The following ANK2 variants were observed in gnomAD, a reference collection of about 807,000 sequenced individuals.
The protein encoded by ANK2 is ankyrin-2.
Under a neutral mutation model 360.5 loss-of-function variants are expected in ANK2, and 83 were observed. That is an observed-to-expected ratio of 0.23 (90% CI 0.19 to 0.28). The LOEUF (loss-of-function observed/expected upper bound fraction) is 0.28. ANK2 is among the 10% of genes least tolerant of loss of function. The pLI, the probability that ANK2 is intolerant of heterozygous loss-of-function variation, is 1.00. For missense variants in ANK2, 4,201 were observed against 4,795.7 expected (o/e 0.88, Z 3.66); for synonymous variants, 1,740 against 1,759.5 (o/e 0.99, Z 0.28).
At chr4:113,232,117 T>C in intron 4 of ANK2, 44 bp from the exon 5 acceptor site, 1 of 1,384,670 alleles carries the variant, frequency 7.2e-7, no homozygotes, top group Non-Finnish European at 1.0e-6. Flanking sequence ...TGTTCTCTCT[T>C]ATACAAATGA....
At chr4:113,156,371 CT>C (rs150536846) in intron 1 of ANK2, among the ~76,000 whole-genome samples, 5 of 128,448 alleles carry the variant, frequency 3.9e-5, no homozygotes, top group Non-Finnish European at 3.3e-5. Flanking sequence ...TAGAAAAATT[CT>C]TTTTTTTTTG....
In ANK2 at chr4:113,233,104, CTGTTTTTTTTTTTTTTTTTTT is replaced by C. The variant is rs1563056748; in HGVS notation, c.483+847_483+867del. ...ACCAGAGTATATGGGCTTGGCTTTTCTGTTTTTTTTTTTTTTTTTTTTTTTTTTTTTTTTTTTTTTTTTTTT... is the reference window on the plus strand; with the variant it reads ...ACCAGAGTATATGGGCTTGGCTTTTCTTTTTTTTTTTTTTTTTTTTTTTTT... On this transcript the variant is annotated intron_variant, in intron 5 of 45. Transcript: ENST00000357077. Among the ~76,000 whole-genome samples, 12 of 29,304 alleles carry C rather than the reference CTGTTTTTTTTTTTTTTTTTTT, an allele frequency of 4.1e-4. 1 individual carries two copies. The highest frequency in any genetic ancestry group is 1.5e-3 in the Admixed American group (4 of 2,674). The allele number at this position is 29,304 out of a possible 152,430, so 19.2% of individuals were successfully genotyped here.
At chr4:112,849,702 C>T (rs953452385) in intron 1 of ANK2, among the ~76,000 whole-genome samples, 18 of 152,338 alleles carry the variant, frequency 1.2e-4, no homozygotes, top group Admixed American at 3.3e-4. Context: ...TTTCCAGCTT[C>T]ATCTTTTGTT....
At chr4:113,182,832 A>C (rs898080374) in intron 2 of ANK2, among the ~76,000 whole-genome samples, 2 of 152,244 alleles carry the variant, frequency 1.3e-5, no homozygotes, top group Non-Finnish European at 2.9e-5. Flanking sequence ...CTATAAAAGA[A>C]AGAAGAGAAT....
At chr4:113,334,234 G>A (rs1383469487) in intron 29 of ANK2, among the ~76,000 whole-genome samples, 1 of 152,168 alleles carries the variant, frequency 6.6e-6, no homozygotes, top group Non-Finnish European at 1.5e-5. Flanking sequence ...TATCCAAGGG[G>A]TGGATGGAGG....
Position 113,355,553 on chromosome 4 carries a change from C to T in ANK2, c.6935C>T (p.Thr2312Ile). ...TSTESFQKEATLGSPKDTSPK... is the reference protein window; with the variant it reads ...TSTESFQKEAILGSPKDTSPK... ...ACTGAGAGTTTTCAGAAAGAGGCCA[C>T]TCTAGGCTCTCCCAAAGACACAAGC... Residue 2312 changes from threonine to isoleucine, a missense_variant, in exon 38 of 46, where the codon ACT becomes ATT. Coordinates refer to ENST00000357077, the MANE Select transcript of ANK2 (RefSeq NM_001148.6). The T allele has an allele frequency of 6.2e-7, 1 of 1,614,070 alleles. No individual in the cohort carries two copies. Among genetic ancestry groups the T allele is most frequent in the Admixed American group, 1.7e-5 (1 of 60,016 alleles).
chr4:112,947,369 TA>T (rs1289729133), intron 2 of ANK2, among the ~76,000 whole-genome samples: 1 of 152,186 alleles, frequency 6.6e-6, no homozygotes, highest in Non-Finnish European at 1.5e-5. Flanking sequence ...ATTATTTACC[TA>T]TATTTCCATA....
At chr4:113,118,152 G>T (rs779298167) in intron 1 of ANK2, among the ~76,000 whole-genome samples, 38 of 152,036 alleles carry the variant, frequency 2.5e-4, no homozygotes, top group South Asian at 4.1e-4. Context: ...CTTTATAATA[G>T]AAATAATCTT....
At chr4:112,811,524 A>C in the ANK2 span, among the ~76,000 whole-genome samples, 1 of 152,188 alleles carries the variant, frequency 6.6e-6, no homozygotes, top group Non-Finnish European at 1.5e-5. Flanking sequence ...TGGGGAAATT[A>C]CTAGATCTCT....
In ANK2 at chr4:113,335,966, AAGG is replaced by A; in HGVS notation, c.3504_3506del (p.Gly1169del). 1 of 1,614,146 alleles carries A rather than the reference AAGG, an allele frequency of 6.2e-7. No individual in the cohort carries two copies. On this transcript the variant is annotated inframe_deletion, in exon 30 of 46. Transcript: ENST00000357077. ...CAGGACAGCAATCTGATTGGCCCAGAAGGAGGTGTACTGAGCAGCACAGTGGTG... is the reference window on the plus strand; with the variant it reads ...CAGGACAGCAATCTGATTGGCCCAGAAGGTGTACTGAGCAGCACAGTGGTG...
At chr4:113,250,311 C>T (rs1207599780) in intron 10 of ANK2, among the ~76,000 whole-genome samples, 2 of 152,152 alleles carry the variant, frequency 1.3e-5, no homozygotes, top group Admixed American at 6.5e-5. Context: ...AGTAATTACT[C>T]AACAGTGGCA....
At chr4:113,273,468 T>G (rs1162771946) in intron 14 of ANK2, among the ~76,000 whole-genome samples, 1 of 152,200 alleles carries the variant, frequency 6.6e-6, no homozygotes, top group Non-Finnish European at 1.5e-5. Context: ...ATAGCTCCTC[T>G]TCTTTTTTCT....
chr4:112,758,252 C>G, the ANK2 span, among the ~76,000 whole-genome samples: 5 of 151,952 alleles, frequency 3.3e-5, no homozygotes, highest in African/African-American at 1.2e-4. Context: ...CACATTCTAA[C>G]ATTAAATTAG....
At chr4:113,282,986 T>A (rs2062985435) in intron 18 of ANK2, 114 bp downstream of exon 18, 1 of 1,178,538 alleles carries the variant, frequency 8.5e-7, no homozygotes, top group Admixed American at 1.9e-5. Flanking sequence ...AACAGGGATA[T>A]CTTACAGACC....
At chr4:113,188,894 A>G (rs1212395869) in intron 2 of ANK2, among the ~76,000 whole-genome samples, 1 of 152,208 alleles carries the variant, frequency 6.6e-6, no homozygotes, top group African/African-American at 2.4e-5. Context: ...GACAAAATGT[A>G]GAGTACCTGG....
chr4:113,037,134 T>C (rs369862868), intron 2 of ANK2, among the ~76,000 whole-genome samples: 64 of 152,122 alleles, frequency 4.2e-4, no homozygotes, highest in African/African-American at 1.5e-3. Context: ...GCAAACTAAC[T>C]TGTTAACTTG....
intron 1 of ANK2, among the ~76,000 whole-genome samples, chr4:112,836,136 G>A (rs2060937646): frequency 6.6e-6 from 1 of 152,122 alleles, no homozygotes; most frequent in African/African-American, 2.4e-5. Context: ...CTGATGAGAG[G>A]TAATTGGATC....
intron 24 of ANK2, among the ~76,000 whole-genome samples, chr4:113,312,723 C>T (rs914565523): frequency 3.3e-5 from 5 of 152,010 alleles, no homozygotes; most frequent in African/African-American, 1.2e-4. Flanking sequence ...AGCAAAGGCT[C>T]GCAGGGTGTA....
chr4:113,180,865 G>C (rs2098394847), intron 2 of ANK2, among the ~76,000 whole-genome samples: 1 of 152,120 alleles, frequency 6.6e-6, no homozygotes. Context: ...CCCTCATTTA[G>C]AAGAAGCAAA....
Sources: gnomAD v4.1 joint callset for allele counts (sites outside exome capture counted in the v4.1 genomes callset) on GRCh38, gnomAD v4.1.1 for gene constraint, MANE v1.5 for transcripts, NCBI Gene and HGNC (gene_info 2026-07-23, HGNC 2026-07-21) for gene names.